The following MAGI1 variants were observed in gnomAD, a reference collection of about 807,000 sequenced individuals.
The protein encoded by MAGI1 is membrane associated guanylate kinase, WW and PDZ domain containing 1, also known as membrane-associated guanylate kinase, WW and PDZ domain-containing protein 1.
In MAGI1, 58 loss-of-function variants were observed where a neutral mutation model predicts 139.9. The ratio of observed to expected loss-of-function variants is 0.41; its 90% CI spans 0.34 to 0.52. MAGI1 has a LOEUF of 0.52. Among genes scored for constraint, MAGI1 ranks in the 20% least tolerant of loss-of-function variants. The pLI is 0.12. For missense variants in MAGI1, 1,874 were observed against 1,901.6 expected, an observed-to-expected ratio of 0.99 and a Z score of 0.27; for synonymous variants, 812 against 737.9, an observed-to-expected ratio of 1.10 and a Z score of -1.63.
intron 1 of MAGI1, among the ~76,000 whole-genome samples, chr3:65,662,299 G>A (rs1422985898): frequency 7.9e-5 from 12 of 152,202 alleles, no homozygotes; most frequent in Non-Finnish European, 1.8e-4. Flanking sequence ...CCTGGCCTGG[G>A]TTTAAATGAA....
chr3:65,738,412 A>C (rs149334300), intron 1 of MAGI1, among the ~76,000 whole-genome samples: 1 of 152,276 alleles, frequency 6.6e-6, no homozygotes, highest in East Asian at 1.9e-4. Flanking sequence ...CCTGGCCTCA[A>C]GTGATCCTCC....
chr3:65,811,223 T>C (rs979073989), intron 1 of MAGI1, among the ~76,000 whole-genome samples: 7 of 152,236 alleles, frequency 4.6e-5, no homozygotes, highest in African/African-American at 1.7e-4. Context: ...GAAGAGCACC[T>C]ATTGTGATAG....
At chr3:66,035,132 A>G (rs1462348531) in intron 1 of MAGI1, among the ~76,000 whole-genome samples, 1 of 152,212 alleles carries the variant, frequency 6.6e-6, no homozygotes, top group Non-Finnish European at 1.5e-5. Context: ...CTTAAAATGA[A>G]CCAACTCCAA....
intron 2 of MAGI1, among the ~76,000 whole-genome samples, chr3:65,599,476 G>C (rs2082381382): frequency 6.6e-6 from 1 of 152,144 alleles, no homozygotes; most frequent in Non-Finnish European, 1.5e-5. Context: ...GTGGTCAAAA[G>C]ACTCAATACT....
rs575682083 is a variant in MAGI1, at chr3:65,410,437, C to G, written c.2168-8967G>C. Among the ~76,000 whole-genome samples, 4 of 152,300 alleles carry G rather than the reference C, an allele frequency of 2.6e-5. No individual in the cohort carries two copies. In the South Asian group the frequency reaches 8.3e-4, roughly 32 times the overall value. ...TAGCTGGGGATACTTGGTCTAAAAC[C>G]AAGCCTGTGCTTTTAAACTATATGC... On this transcript the variant is annotated intron_variant, in intron 12 of 22. Coordinates refer to ENST00000402939, the MANE Select transcript of MAGI1 (RefSeq NM_001033057.2).
chr3:65,887,526 A>T (rs1286701275), intron 1 of MAGI1, among the ~76,000 whole-genome samples: 2 of 152,150 alleles, frequency 1.3e-5, no homozygotes, highest in East Asian at 3.8e-4. Flanking sequence ...AAACTATAAC[A>T]TACCATAAAA....
At chr3:65,567,282 C>G (rs200552989) in intron 2 of MAGI1, among the ~76,000 whole-genome samples, 2 of 114,466 alleles carry the variant, frequency 1.7e-5, no homozygotes, top group African/African-American at 5.2e-5. Flanking sequence ...TGACAAAAGT[C>G]TACATTTGAG....
intron 2 of MAGI1, chr3:65,609,766 G>A: frequency 2.9e-6 from 1 of 343,166 alleles, no homozygotes; most frequent in Non-Finnish European, 5.9e-6. Context: ...TTGTAGAGAT[G>A]GGGTCTCCCA....
At chr3:65,627,601 G>A (rs972958596) in intron 1 of MAGI1, among the ~76,000 whole-genome samples, 24 of 133,596 alleles carry the variant, frequency 1.8e-4, no homozygotes, top group African/African-American at 5.7e-4. Context: ...TCCGCCTCCC[G>A]GGTTCACGCC....
At chr3:65,493,787 C>G (rs1952226765) in intron 2 of MAGI1, among the ~76,000 whole-genome samples, 156 bp from the exon 3 acceptor site, 1 of 152,196 alleles carries the variant, frequency 6.6e-6, no homozygotes, top group Non-Finnish European at 1.5e-5. Context: ...AAGGCAACTT[C>G]TTTCTAATAC....
At chr3:65,447,707 AC>A (rs1948761048) in intron 7 of MAGI1, among the ~76,000 whole-genome samples, 1 of 152,260 alleles carries the variant, frequency 6.6e-6, no homozygotes, top group Non-Finnish European at 1.5e-5. Flanking sequence ...TTCAAGGGAC[AC>A]AGCGAGCATC....
intron 1 of MAGI1, among the ~76,000 whole-genome samples, chr3:65,992,198 GA>G (rs1453410538): frequency 1.3e-5 from 2 of 152,094 alleles, no homozygotes; most frequent in African/African-American, 4.8e-5. Flanking sequence ...AAAATGCACA[GA>G]AGGTACCTCA....
chr3:66,032,869 C>G (rs1284723617), intron 1 of MAGI1, among the ~76,000 whole-genome samples: 2 of 145,318 alleles, frequency 1.4e-5, no homozygotes, highest in East Asian at 4.3e-4. Flanking sequence ...GAGCCGAGAT[C>G]GCACCACTGC....
chr3:65,380,298 T>G (rs981336341), intron 16 of MAGI1, among the ~76,000 whole-genome samples: 1 of 152,246 alleles, frequency 6.6e-6, no homozygotes, highest in African/African-American at 2.4e-5. Flanking sequence ...AAGTTTTGGA[T>G]CAGACTGTAT....
intron 1 of MAGI1, among the ~76,000 whole-genome samples, chr3:66,037,769 TC>T (rs1285380540): frequency 6.6e-6 from 1 of 151,726 alleles, no homozygotes; most frequent in Admixed American, 6.6e-5. Flanking sequence ...CTGAGAAACG[TC>T]CCCCCGCTAC....
chr3:65,422,273 G>A (rs1263209108), intron 12 of MAGI1, among the ~76,000 whole-genome samples: 1 of 152,182 alleles, frequency 6.6e-6, no homozygotes. Context: ...CAAGATGCTG[G>A]AGAACAGGCT....
At chr3:65,743,911 C>T (rs933421948) in intron 1 of MAGI1, among the ~76,000 whole-genome samples, 6 of 151,476 alleles carry the variant, frequency 4.0e-5, no homozygotes, top group African/African-American at 1.5e-4. Flanking sequence ...ATAATATATA[C>T]TCACCAAGAC....
intron 12 of MAGI1, among the ~76,000 whole-genome samples, chr3:65,424,508 T>C (rs1235281434): frequency 1.3e-5 from 2 of 152,150 alleles, no homozygotes; most frequent in Admixed American, 1.3e-4. Flanking sequence ...AAGTATTCAG[T>C]ATATGGTCTG....
intron 1 of MAGI1, among the ~76,000 whole-genome samples, chr3:65,628,614 T>C (rs2084113519): frequency 6.6e-6 from 1 of 151,960 alleles, no homozygotes; most frequent in Non-Finnish European, 1.5e-5. Context: ...ATGATAGCAT[T>C]TGGGCATGCA....
Sources: gnomAD v4.1 joint callset for allele counts (sites outside exome capture counted in the v4.1 genomes callset) on GRCh38, gnomAD v4.1.1 for gene constraint, MANE v1.5 for transcripts, NCBI Gene and HGNC (gene_info 2026-07-23, HGNC 2026-07-21) for gene names.